Variants in NEO1 observed in about 807,000 individuals in gnomAD.
The protein encoded by NEO1 is neogenin 1.
Under a neutral mutation model 159.7 loss-of-function variants are expected in NEO1, and 63 were observed. The observed-to-expected ratio is 0.39, with a 90% confidence interval of 0.32 to 0.49. NEO1 has a LOEUF of 0.49. NEO1 is among the 20% of genes least tolerant of loss of function. NEO1 has a pLI of 0.85. For missense variants in NEO1, 1,615 were observed against 1,831.0 expected (o/e 0.88, Z 2.15); for synonymous variants, 633 against 662.0 (o/e 0.96, Z 0.67).
At chr15:73,127,806 C>CA (rs1422011399) in intron 4 of NEO1, among the ~76,000 whole-genome samples, 1 of 152,202 alleles carries the variant, frequency 6.6e-6, no homozygotes, top group Non-Finnish European at 1.5e-5. Context: ...CATTTTAACA[C>CA]AGCTTTAGCT....
intron 4 of NEO1, among the ~76,000 whole-genome samples, chr15:73,129,844 T>A (rs2030851101): frequency 6.6e-6 from 1 of 152,174 alleles, no homozygotes; most frequent in Non-Finnish European, 1.5e-5. Context: ...ATTGAGTAGA[T>A]ATATTTTTCC....
At chr15:73,185,498 G>A (rs948780832) in intron 7 of NEO1, among the ~76,000 whole-genome samples, 5 of 152,202 alleles carry the variant, frequency 3.3e-5, no homozygotes, top group Admixed American at 6.5e-5. Context: ...TCACAAGGAT[G>A]TAGAGCAACA....
At chr15:73,300,963 A>G (rs2042589626) in intron 27 of NEO1, among the ~76,000 whole-genome samples, 1 of 152,208 alleles carries the variant, frequency 6.6e-6, no homozygotes, top group African/African-American at 2.4e-5. Context: ...CAGCTCACCC[A>G]CTATTGCCTT....
intron 10 of NEO1, 25 bp downstream of exon 10, chr15:73,249,233 A>G (rs372858628): frequency 1.9e-6 from 3 of 1,611,890 alleles, no homozygotes; most frequent in Non-Finnish European, 2.5e-6. Context: ...AACTTTTCAA[A>G]CCATTGATTG....
intron 1 of NEO1, among the ~76,000 whole-genome samples, chr15:73,084,781 TTG>T (rs1555424378): frequency 6.6e-6 from 1 of 151,450 alleles, no homozygotes; most frequent in Non-Finnish European, 1.5e-5. Flanking sequence ...CTTTTTCTTT[TTG>T]TGTGTGTGTG....
intron 8 of NEO1, among the ~76,000 whole-genome samples, chr15:73,237,190 C>T (rs1262387207): frequency 6.6e-6 from 1 of 152,062 alleles, no homozygotes; most frequent in Non-Finnish European, 1.5e-5. Flanking sequence ...TCAGTTAATC[C>T]TTCTTGGCCC....
chr15:73,146,621 T>C (rs1352079078), intron 5 of NEO1, among the ~76,000 whole-genome samples: 2 of 152,206 alleles, frequency 1.3e-5, no homozygotes, highest in Non-Finnish European at 2.9e-5. Flanking sequence ...CTAATAGTTA[T>C]GTAAATTTAT....
At chr15:73,267,686 G>C (rs1208982386) in intron 16 of NEO1, among the ~76,000 whole-genome samples, 1 of 151,922 alleles carries the variant, frequency 6.6e-6, no homozygotes, top group East Asian at 1.9e-4. Flanking sequence ...ATGGTTTCCA[G>C]CTTCATCCAT....
chr15:73,099,390 G>T (rs2070274038), intron 1 of NEO1, among the ~76,000 whole-genome samples: 1 of 152,284 alleles, frequency 6.6e-6, no homozygotes, highest in Middle Eastern at 3.4e-3. Context: ...TTGAATAGAA[G>T]AATTCTAGAA....
intron 1 of NEO1, among the ~76,000 whole-genome samples, chr15:73,070,457 T>C (rs911390853): frequency 5.3e-5 from 8 of 152,302 alleles, no homozygotes; most frequent in African/African-American, 1.9e-4. Context: ...GGTAGAAATA[T>C]TTAAGGAGCA....
chr15:73,077,302 C>G (rs1164138806), intron 1 of NEO1, among the ~76,000 whole-genome samples: 1 of 152,166 alleles, frequency 6.6e-6, no homozygotes, highest in Non-Finnish European at 1.5e-5. Context: ...CCTCGGCCTC[C>G]CAAAGTGCTG....
intron 2 of NEO1, among the ~76,000 whole-genome samples, 187 bp downstream of exon 2, chr15:73,117,044 A>G (rs1453564091): frequency 6.6e-6 from 1 of 152,194 alleles, no homozygotes; most frequent in Non-Finnish European, 1.5e-5. Flanking sequence ...GCCGTAGAGA[A>G]TAAACTGTAG....
intron 7 of NEO1, among the ~76,000 whole-genome samples, chr15:73,215,478 T>C (rs2037824006): frequency 6.6e-6 from 1 of 152,206 alleles, no homozygotes; most frequent in Non-Finnish European, 1.5e-5. Flanking sequence ...CTGCTAACAA[T>C]TTTAATCATA....
chr15:73,286,695 C>G (rs1050525196), intron 23 of NEO1, among the ~76,000 whole-genome samples: 1 of 152,194 alleles, frequency 6.6e-6, no homozygotes, highest in African/African-American at 2.4e-5. Flanking sequence ...CAGGCAAACC[C>G]GCTTCTGCTC....
intron 11 of NEO1, among the ~76,000 whole-genome samples, chr15:73,250,212 A>G (rs1329707260): frequency 6.6e-6 from 1 of 152,126 alleles, no homozygotes; most frequent in Non-Finnish European, 1.5e-5. Flanking sequence ...ATATACACCC[A>G]TGACCTAGAG....
intron 5 of NEO1, among the ~76,000 whole-genome samples, chr15:73,138,557 T>C (rs1431202559): frequency 6.6e-6 from 1 of 151,668 alleles, no homozygotes; most frequent in Non-Finnish European, 1.5e-5. Flanking sequence ...GAGATCGAGA[T>C]CATCCCGGCT....
chr15:73,218,474 T>C (rs1332627022), intron 7 of NEO1, among the ~76,000 whole-genome samples: 3 of 152,120 alleles, frequency 2.0e-5, no homozygotes, highest in African/African-American at 4.8e-5. Flanking sequence ...TCTTTTTGTA[T>C]TGATTGGAAT....
At chr15:73,270,790 A>G (rs993462301) in intron 18 of NEO1, among the ~76,000 whole-genome samples, 1 of 152,224 alleles carries the variant, frequency 6.6e-6, no homozygotes, top group Non-Finnish European at 1.5e-5. Flanking sequence ...TTGGAGCCTG[A>G]ACACTTTGCT....
At chr15:73,145,160 CAT>C (rs1190309369) in intron 5 of NEO1, among the ~76,000 whole-genome samples, 1 of 152,150 alleles carries the variant, frequency 6.6e-6, no homozygotes, top group Admixed American at 6.5e-5. Context: ...AGGTGGAAAA[CAT>C]AGTTTGCTTA....
Sources: gnomAD v4.1 joint callset for allele counts (sites outside exome capture counted in the v4.1 genomes callset) on GRCh38, gnomAD v4.1.1 for gene constraint, MANE v1.5 for transcripts, NCBI Gene and HGNC (gene_info 2026-07-23, HGNC 2026-07-21) for gene names.